Variants in DPYD observed in about 807,000 individuals in gnomAD.
The protein encoded by DPYD is dihydropyrimidine dehydrogenase [NADP(+)].
DPYD carries 109 observed loss-of-function variants against 116.2 expected under a neutral mutation model. The observed-to-expected ratio is 0.94, with a 90% CI of 0.80 to 1.10. DPYD has a LOEUF of 1.10. DPYD is among the 50% of genes least tolerant of loss of function. DPYD has a pLI of 0.00. For missense variants in DPYD, 1,302 were observed against 1,254.5 expected (o/e 1.04, Z -0.57); for synonymous variants, 440 against 432.0 (o/e 1.02, Z -0.23).
intron 3 of DPYD, among the ~76,000 whole-genome samples, chr1:97,819,904 A>G (rs1668827700): frequency 6.6e-6 from 1 of 152,120 alleles, no homozygotes; most frequent in Non-Finnish European, 1.5e-5. Flanking sequence ...ACATATACAC[A>G]CATGTAATAT....
intron 16 of DPYD, among the ~76,000 whole-genome samples, chr1:97,360,162 C>A (rs574974359): frequency 2.0e-5 from 3 of 152,014 alleles, no homozygotes; most frequent in East Asian, 3.9e-4. Context: ...AATAATAGTA[C>A]CTGATAAAAT....
At chr1:97,254,493 A>G (rs1055765752) in intron 18 of DPYD, among the ~76,000 whole-genome samples, 1 of 152,168 alleles carries the variant, frequency 6.6e-6, no homozygotes, top group African/African-American at 2.4e-5. Flanking sequence ...GTGATGTCCA[A>G]TCACCTTATG....
At chr1:97,098,711 TATC>T in intron 20 of DPYD, 79 bp from the exon 21 acceptor site, 1 of 1,502,048 alleles carries the variant, frequency 6.7e-7, no homozygotes, top group Non-Finnish European at 9.1e-7. Context: ...ATATAAATAT[TATC>T]AACAAACAAA....
intron 3 of DPYD, among the ~76,000 whole-genome samples, chr1:97,747,432 A>G (rs1366847684): frequency 6.6e-6 from 1 of 152,132 alleles, no homozygotes; most frequent in Admixed American, 6.6e-5. Context: ...CTCTCCTAGG[A>G]AGCCATTCTT....
At chr1:97,483,853 T>C (rs766044794) in intron 13 of DPYD, among the ~76,000 whole-genome samples, 7 of 149,920 alleles carry the variant, frequency 4.7e-5, no homozygotes, top group Non-Finnish European at 1.0e-4. Flanking sequence ...TGGTGATTCC[T>C]TGATTTTGGA....
intron 16 of DPYD, among the ~76,000 whole-genome samples, chr1:97,341,179 C>G (rs1669569743): frequency 1.3e-5 from 2 of 152,138 alleles, no homozygotes; most frequent in African/African-American, 4.8e-5. Context: ...TGGGCTTAGG[C>G]TAGTTTGCCT....
intron 16 of DPYD, among the ~76,000 whole-genome samples, chr1:97,326,136 T>G (rs1388094207): frequency 1.3e-5 from 2 of 151,850 alleles, no homozygotes; most frequent in Admixed American, 6.6e-5. Flanking sequence ...ATTTTAAAGA[T>G]GAATGTTAAA....
At chr1:97,448,728 T>G (rs558752335) in intron 14 of DPYD, among the ~76,000 whole-genome samples, 2 of 151,972 alleles carry the variant, frequency 1.3e-5, no homozygotes, top group South Asian at 4.1e-4. Flanking sequence ...TTATATAATA[T>G]GAAAACAGGG....
chr1:97,296,103 T>A (rs1183259292), intron 18 of DPYD: 1 of 152,202 alleles, frequency 6.6e-6, no homozygotes, highest in African/African-American at 2.4e-5. Flanking sequence ...TGATCTCAAA[T>A]ATTACAATAA....
intron 4 of DPYD, among the ~76,000 whole-genome samples, chr1:97,734,679 A>G (rs1166844565): frequency 1.3e-5 from 2 of 152,340 alleles, no homozygotes; most frequent in African/African-American, 4.8e-5. Flanking sequence ...CTTTTAAGTC[A>G]TGAATAGGCA....
At chr1:97,262,205 G>A (rs915422795) in intron 18 of DPYD, among the ~76,000 whole-genome samples, 1 of 152,030 alleles carries the variant, frequency 6.6e-6, no homozygotes, top group Non-Finnish European at 1.5e-5. Flanking sequence ...TACTTTGACT[G>A]TAGGTATATC....
chr1:97,324,838 T>C (rs965286692), intron 16 of DPYD, among the ~76,000 whole-genome samples: 1 of 152,208 alleles, frequency 6.6e-6, no homozygotes, highest in Non-Finnish European at 1.5e-5. Flanking sequence ...GTGGCTATGA[T>C]TTCTACAAGA....
rs74942032 is a variant in DPYD at position 97,373,483 on chromosome 1, C to T, written c.2058+78G>A. ...TCATCTGATCCATGCATCTCCTTGC[C>T]TAAGGTATAGTAACTATCCATACGG... On this transcript the variant is annotated intron_variant, in intron 16 of 22. Transcript: ENST00000370192. 2.4e-6 allele frequency: 3 copies of T among 1,254,216 alleles called. No individual in the cohort carries two copies. The African/African-American group carries it at 4.4e-5, about 19-fold the overall frequency. 77.7% of individuals were successfully genotyped at this position (1,254,216 alleles called of 1,614,324 possible). A position where few individuals can be genotyped will look rare whatever the true frequency, so the allele number is the denominator to read the frequency against.
intron 8 of DPYD, among the ~76,000 whole-genome samples, chr1:97,617,248 T>C (rs114827595): frequency 0.013 from 1,995 of 152,238 alleles, 23 homozygotes; most frequent in Middle Eastern, 0.024. Flanking sequence ...AAACGTTCTT[T>C]ATCAGAACCA....
intron 19 of DPYD, among the ~76,000 whole-genome samples, chr1:97,207,330 A>G (rs966300449): frequency 1.3e-5 from 2 of 152,112 alleles, no homozygotes; most frequent in Admixed American, 1.3e-4. Context: ...TTATACATTA[A>G]TATCTTTGCA....
At chr1:97,475,922 C>G (rs1053762595) in intron 13 of DPYD, among the ~76,000 whole-genome samples, 1 of 152,136 alleles carries the variant, frequency 6.6e-6, no homozygotes, top group Non-Finnish European at 1.5e-5. Context: ...TCACTGGATA[C>G]CTATACATTG....
chr1:97,775,972 T>C (rs951920321), intron 3 of DPYD, among the ~76,000 whole-genome samples: 26 of 152,126 alleles, frequency 1.7e-4, no homozygotes, highest in African/African-American at 6.3e-4. Context: ...GGTGGGTGCA[T>C]ATTAGGTGTA....
intron 1 of DPYD, among the ~76,000 whole-genome samples, chr1:97,884,273 T>A (rs1029655837): frequency 6.6e-6 from 1 of 152,066 alleles, no homozygotes; most frequent in African/African-American, 2.4e-5. Flanking sequence ...ATACCATTAT[T>A]TCACCAGAGA....
intron 20 of DPYD, among the ~76,000 whole-genome samples, chr1:97,183,249 C>T (rs1410704592): frequency 6.6e-6 from 1 of 151,952 alleles, no homozygotes. Flanking sequence ...TTACTGTTTA[C>T]TTTTTTATAT....
Sources: allele counts gnomAD v4.1 joint callset (sites outside exome capture counted in the v4.1 genomes callset), GRCh38; gene constraint gnomAD v4.1.1; transcripts MANE v1.5; gene names NCBI Gene and HGNC (gene_info 2026-07-23, HGNC 2026-07-21).